The following CCDC138 variants were observed in gnomAD, a reference collection of about 807,000 sequenced individuals.
CCDC138 encodes coiled-coil domain containing 138, also known as coiled-coil domain-containing protein 138.
CCDC138 carries 66 observed loss-of-function variants against 82.3 expected under a neutral mutation model. The observed-to-expected ratio is 0.80, with a 90% confidence interval of 0.66 to 0.98. The LOEUF (loss-of-function observed/expected upper bound fraction) is 0.98, where lower values mean the gene tolerates loss of function less well. Among genes scored for constraint, CCDC138 ranks in the 50% least tolerant of loss-of-function variants. The pLI, the probability that CCDC138 is intolerant of heterozygous loss-of-function variation, is 0.00. For missense variants in CCDC138, 816 were observed against 758.9 expected (o/e 1.08, Z -0.88); for synonymous variants, 297 against 265.4 (o/e 1.12, Z -1.16).
At chr2:108,818,014 A>G (rs901358786) in intron 10 of CCDC138, among the ~76,000 whole-genome samples, 6 of 152,106 alleles carry the variant, frequency 3.9e-5, no homozygotes, top group African/African-American at 1.4e-4. Context: ...ATTTGTTAGA[A>G]CTAGATGAGG....
intron 11 of CCDC138, among the ~76,000 whole-genome samples, chr2:108,844,990 C>T (rs555001034): frequency 3.3e-5 from 5 of 152,204 alleles, no homozygotes; most frequent in African/African-American, 1.2e-4. Flanking sequence ...TTGTGATCCG[C>T]CTGCCTTGGC....
In CCDC138 at chr2:108,794,691, C is replaced by T. The variant is rs13424880; in HGVS notation, c.546C>T (p.Asp182=). Reference sequence around the variant, plus strand: ...CACATCAGATCAGTCAGATATATGACGAATTATTTCAGATACATCTGAAAT... The same window carrying T: ...CACATCAGATCAGTCAGATATATGATGAATTATTTCAGATACATCTGAAAT... ...LLPHQISQIY[D]ELFQIHLKLQ... is the part of the protein sequence containing the mutation. The change falls in exon 5 of 15, where the codon GAC becomes GAT. Residue 182 remains aspartate (D), a synonymous_variant. Transcript: ENST00000295124. 0.019 allele frequency: 30,495 copies of T among 1,612,726 alleles called. 1,088 individuals carry two copies. Among genetic ancestry groups the T allele is most frequent in the African/African-American group, 0.15 (11,457 of 74,844 alleles).
intron 12 of CCDC138, among the ~76,000 whole-genome samples, chr2:108,853,523 GCTTT>G (rs901086723): frequency 4.7e-5 from 7 of 149,908 alleles, no homozygotes; most frequent in Non-Finnish European, 7.4e-5. Context: ...TTTACTGATA[GCTTT>G]CTTTTTTTTT....
At chr2:108,812,503 TG>T (rs1183635987) in intron 7 of CCDC138, 127 bp from the exon 8 acceptor site, 2 of 674,552 alleles carry the variant, frequency 3.0e-6, no homozygotes, top group Admixed American at 5.6e-5. Flanking sequence ...AAGTTAATCA[TG>T]AATGCTGTCT....
At position 108,841,640 on chromosome 2, in the gene CCDC138, GT is replaced by G. The variant is rs373478497; in HGVS notation, c.1323+2346del. On this transcript the variant is annotated intron_variant, in intron 11 of 14. Coordinates refer to ENST00000295124, the MANE Select transcript of CCDC138 (RefSeq NM_144978.3). ...TTTGACCTGCTTATATCTAGAATGA[GT>G]TTTTTTAATTAAATAGCATACAGCT... Among the ~76,000 whole-genome samples the G allele has an allele frequency of 2.1e-3, 318 of 151,942 alleles. 1 individual carries two copies. Among genetic ancestry groups the G allele is most frequent in the African/African-American group, 7.2e-3 (298 of 41,458 alleles).
chr2:108,881,841 A>G (rs1161165758), intron 1 of CCDC138, among the ~76,000 whole-genome samples: 2 of 152,144 alleles, frequency 1.3e-5, no homozygotes, highest in African/African-American at 2.4e-5. Flanking sequence ...AACAATTACA[A>G]TAGTAACATC....
At chr2:108,805,237 T>C (rs889532420) in intron 7 of CCDC138, among the ~76,000 whole-genome samples, 7 of 152,150 alleles carry the variant, frequency 4.6e-5, no homozygotes, top group South Asian at 2.1e-4. Flanking sequence ...GAAAAAAACC[T>C]GATAACCTGA....
intron 12 of CCDC138, among the ~76,000 whole-genome samples, chr2:108,850,731 G>A (rs758235003): frequency 9.2e-5 from 14 of 152,232 alleles, no homozygotes; most frequent in Admixed American, 2.6e-4. Flanking sequence ...GATTACAGGC[G>A]TGAGCCACTG....
chr2:108,797,138 T>C (rs1034686561), intron 5 of CCDC138, among the ~76,000 whole-genome samples: 4 of 152,122 alleles, frequency 2.6e-5, no homozygotes, highest in Non-Finnish European at 5.9e-5. Flanking sequence ...TTTTAGCCAT[T>C]GAGTGGATAT....
At chr2:108,811,195 C>A (rs1683769562) in intron 7 of CCDC138, among the ~76,000 whole-genome samples, 1 of 147,864 alleles carries the variant, frequency 6.8e-6, no homozygotes, top group Admixed American at 6.8e-5. Context: ...GTTTCCTTCC[C>A]TTCCTTCCCT....
At chr2:108,800,733 C>T (rs1192873151) in intron 6 of CCDC138, among the ~76,000 whole-genome samples, 4 of 113,462 alleles carry the variant, frequency 3.5e-5, no homozygotes, top group Non-Finnish European at 7.0e-5. Context: ...CCCACTAACT[C>T]ATCATCTAGC....
Position 108,846,950 on chromosome 2 carries a change from T to C in CCDC138, c.1516+20T>C. The C allele has an allele frequency of 3.7e-6, 5 of 1,339,102 alleles. No individual in the cohort carries two copies. Among genetic ancestry groups the C allele is most frequent in the South Asian group, 1.2e-5 (1 of 81,660 alleles). 83.0% of individuals were successfully genotyped at this position (1,339,102 alleles called of 1,614,324 possible). On this transcript the variant is annotated intron_variant, in intron 12 of 14. Coordinates refer to ENST00000295124, the MANE Select transcript of CCDC138 (RefSeq NM_144978.3). ...CTCAAGGTAAGCTTTCAATTGTACT[T>C]ATGGTTAATTTTGAGAAACAATAGA...
chr2:108,848,676 T>TG (rs1333445985), intron 12 of CCDC138, among the ~76,000 whole-genome samples: 5 of 152,280 alleles, frequency 3.3e-5, no homozygotes, highest in South Asian at 2.1e-4. Context: ...TTGCAACAAA[T>TG]GCGATGATTT....
In CCDC138 at chr2:108,788,854, G is replaced by C; in HGVS notation, c.154G>C (p.Asp52His). The C allele has an allele frequency of 6.2e-7, 1 of 1,614,014 alleles. No individual in the cohort carries two copies. Among genetic ancestry groups the C allele is most frequent in the Non-Finnish European group, 8.5e-7 (1 of 1,179,924 alleles). Reference protein sequence around the residue: ...YKRRTLTSPGDLDIYSGDKVG... With the variant: ...YKRRTLTSPGHLDIYSGDKVG... Reference sequence around the variant, plus strand: ...CATGGTTTCTTTGTCGTTGACAGGTGATTTGGATATCTACTCTGGAGATAA... The same window carrying C: ...CATGGTTTCTTTGTCGTTGACAGGTCATTTGGATATCTACTCTGGAGATAA... The change falls in exon 3 of 15, where the codon GAT (aspartate) becomes CAT (histidine). Residue 52 changes from aspartate (D) to histidine (H), a missense_variant and splice_region_variant. Coordinates refer to ENST00000295124, the MANE Select transcript of CCDC138 (RefSeq NM_144978.3).
At chr2:108,814,122 G>A (rs1017521062) in intron 9 of CCDC138, among the ~76,000 whole-genome samples, 2 of 151,988 alleles carry the variant, frequency 1.3e-5, no homozygotes, top group African/African-American at 2.4e-5. Context: ...ACAATTTCTG[G>A]GTCATAAGGT....
At chr2:108,849,484 C>T (rs1263393192) in intron 12 of CCDC138, among the ~76,000 whole-genome samples, 1 of 152,106 alleles carries the variant, frequency 6.6e-6, no homozygotes, top group Non-Finnish European at 1.5e-5. Flanking sequence ...CATGGTGACT[C>T]TCCATGACCT....
chr2:108,842,347 G>C (rs1354191820), intron 11 of CCDC138, among the ~76,000 whole-genome samples: 1 of 151,976 alleles, frequency 6.6e-6, no homozygotes, highest in East Asian at 1.9e-4. Flanking sequence ...CTGAAATAAA[G>C]AATTTATTAC....
At chr2:108,862,087 T>A (rs1693721660) in intron 13 of CCDC138, among the ~76,000 whole-genome samples, 1 of 151,320 alleles carries the variant, frequency 6.6e-6, no homozygotes, top group South Asian at 2.1e-4. Context: ...GTTTTTTTTT[T>A]TTTTATTTGT....
At position 108,800,638 on chromosome 2, in the gene CCDC138, T is replaced by TAA. The variant is rs1553513539; in HGVS notation, c.735+2053_735+2054dup. On this transcript the variant is annotated intron_variant, in intron 6 of 14. Transcript: ENST00000295124. ...TTTTTTTTTTTTTTTTTTTTTTTTT[T>TAA]AATTATACTTTAAGTTTTAGGGTAC... is the stretch of plus-strand genomic sequence containing the variant. Among the ~76,000 whole-genome samples the TAA allele has an allele frequency of 1.1e-3, 82 of 73,776 alleles. 1 individual carries two copies. Among genetic ancestry groups the TAA allele is most frequent in the African/African-American group, 3.6e-3 (62 of 17,282 alleles). The allele number at this position is 73,776 out of a possible 152,430, so 48.4% of individuals were successfully genotyped here.
Sources: gnomAD v4.1 joint callset for allele counts (sites outside exome capture counted in the v4.1 genomes callset) on GRCh38, gnomAD v4.1.1 for gene constraint, MANE v1.5 for transcripts, NCBI Gene and HGNC (gene_info 2026-07-23, HGNC 2026-07-21) for gene names.